The following LARP1B variants were observed in gnomAD, a reference collection of about 807,000 sequenced individuals.
The protein encoded by LARP1B is la-related protein 1B.
In LARP1B, 76 loss-of-function variants were observed where a neutral mutation model predicts 114.2. That is an observed-to-expected ratio of 0.67 (90% CI 0.55 to 0.81). The LOEUF is 0.81. Ranked by LOEUF, LARP1B falls within the 30% of genes least tolerant of loss-of-function variation. The pLI is 0.00. For synonymous variants in LARP1B, 345 were observed against 348.0 expected, an observed-to-expected ratio of 0.99 and a Z score of 0.10; for missense variants, 1,014 against 1,075.8, an observed-to-expected ratio of 0.94 and a Z score of 0.80.
intron 8 of LARP1B, among the ~76,000 whole-genome samples, chr4:128,104,155 T>C (rs1423375666): frequency 1.3e-5 from 2 of 152,038 alleles, no homozygotes; most frequent in African/African-American, 4.8e-5. Flanking sequence ...TTTTTTCCTA[T>C]GTATACGGTC....
intron 1 of LARP1B, 88 bp downstream of exon 1, chr4:128,061,489 G>C (rs1158496641): frequency 5.6e-6 from 1 of 178,126 alleles, no homozygotes; most frequent in Non-Finnish European, 1.1e-5. Context: ...GCCGGCGGGC[G>C]GTTGGCGCTC....
At chr4:128,087,044 C>T (rs751001930) in intron 5 of LARP1B, among the ~76,000 whole-genome samples, 9 of 152,040 alleles carry the variant, frequency 5.9e-5, no homozygotes, top group South Asian at 2.1e-4. Flanking sequence ...CTCAGCCTCC[C>T]GAGTAGCTGG....
intron 8 of LARP1B, among the ~76,000 whole-genome samples, chr4:128,102,857 G>T (rs1411815912): frequency 2.0e-5 from 3 of 152,088 alleles, no homozygotes. Context: ...TATAATATCA[G>T]CCTCAGAACT....
chr4:128,210,287 T>C lies in LARP1B; in HGVS notation c.*234T>C. 5 of 1,344,008 alleles carry C rather than the reference T, an allele frequency of 3.7e-6. No individual in the cohort carries two copies. The highest frequency in any genetic ancestry group is 4.8e-6 in the Non-Finnish European group (5 of 1,047,556). 83.3% of individuals were successfully genotyped at this position (1,344,008 alleles called of 1,614,324 possible). ...TCCCTGATTTCACAAACAAGGATAG[T>C]CTTGGTGACCTTTTATAGAGATCTT... is the stretch of plus-strand genomic sequence containing the variant. On this transcript the variant is annotated 3_prime_UTR_variant, in exon 20 of 20. Coordinates refer to ENST00000326639, the MANE Select transcript of LARP1B (RefSeq NM_018078.4).
At chr4:128,115,654 A>C (rs894164227) in intron 10 of LARP1B, among the ~76,000 whole-genome samples, 1 of 152,132 alleles carries the variant, frequency 6.6e-6, no homozygotes, top group African/African-American at 2.4e-5. Flanking sequence ...AAGTTGAAAA[A>C]ATATGACTTT....
chr4:128,163,326 A>T (rs1739332668), intron 12 of LARP1B, among the ~76,000 whole-genome samples: 1 of 152,132 alleles, frequency 6.6e-6, no homozygotes, highest in Non-Finnish European at 1.5e-5. Flanking sequence ...CTGTTAGTTC[A>T]GCATAGAGAC....
chr4:128,190,009 T>C (rs1013258060), intron 15 of LARP1B, among the ~76,000 whole-genome samples: 1 of 152,264 alleles, frequency 6.6e-6, no homozygotes, highest in African/African-American at 2.4e-5. Flanking sequence ...TGTCTACTTT[T>C]ACCAGTGAGT....
chr4:128,125,001 G>A (rs1580730155), intron 11 of LARP1B, among the ~76,000 whole-genome samples: 1 of 152,136 alleles, frequency 6.6e-6, no homozygotes, highest in African/African-American at 2.4e-5. Context: ...TGTTGAACTG[G>A]ACCAAAGAGT....
intron 19 of LARP1B, 93 bp downstream of exon 19, chr4:128,207,476 A>G (rs1416660445): frequency 1.2e-6 from 1 of 853,266 alleles, no homozygotes; most frequent in Non-Finnish European, 1.6e-6. Flanking sequence ...TGTAATTTTT[A>G]TTTTTTAACT....
chr4:128,079,631 G>C (rs114281553), intron 4 of LARP1B, among the ~76,000 whole-genome samples: 1 of 151,712 alleles, frequency 6.6e-6, no homozygotes, highest in African/African-American at 2.4e-5. Flanking sequence ...TGGCATGCTC[G>C]TGGCCCACTG....
intron 1 of LARP1B, among the ~76,000 whole-genome samples, chr4:128,064,842 G>A (rs1761781259): frequency 6.6e-6 from 1 of 152,096 alleles, no homozygotes; most frequent in Non-Finnish European, 1.5e-5. Context: ...AGGCTGTAGT[G>A]TCCTGTCATA....
chr4:128,154,071 A>G (rs1734238656), intron 11 of LARP1B, among the ~76,000 whole-genome samples: 1 of 152,192 alleles, frequency 6.6e-6, no homozygotes, highest in African/African-American at 2.4e-5. Flanking sequence ...CTCTTGTCAG[A>G]GTAGTCTTTC....
intron 10 of LARP1B, among the ~76,000 whole-genome samples, chr4:128,119,095 G>T (rs966444270): frequency 4.6e-5 from 7 of 151,946 alleles, no homozygotes; most frequent in Non-Finnish European, 1.0e-4. Flanking sequence ...ATGTTGGCCA[G>T]GCTGGTCTCG....
chr4:128,101,276 C>A (rs952947551), intron 8 of LARP1B, among the ~76,000 whole-genome samples: 1 of 151,720 alleles, frequency 6.6e-6, no homozygotes, highest in Non-Finnish European at 1.5e-5. Context: ...GAGTTTGACA[C>A]CAGCTTGGTC....
intron 11 of LARP1B, among the ~76,000 whole-genome samples, chr4:128,127,424 T>G (rs1356222192): frequency 6.6e-6 from 1 of 152,222 alleles, no homozygotes; most frequent in African/African-American, 2.4e-5. Flanking sequence ...GGGTACTGAT[T>G]AAAGTTATTA....
intron 12 of LARP1B, among the ~76,000 whole-genome samples, chr4:128,165,252 C>T (rs1262614284): frequency 6.6e-6 from 1 of 151,536 alleles, no homozygotes; most frequent in African/African-American, 2.4e-5. Flanking sequence ...GAGTGTGTAT[C>T]AGCTCTATTT....
At chr4:128,121,682 A>G in intron 10 of LARP1B, 144 bp from the exon 11 acceptor site, 1 of 566,594 alleles carries the variant, frequency 1.8e-6, no homozygotes, top group Admixed American at 3.5e-5. Context: ...AATAATACTC[A>G]CTTGATTTTC....
chr4:128,116,543 T>C (rs1391839497), intron 10 of LARP1B, among the ~76,000 whole-genome samples: 1 of 152,182 alleles, frequency 6.6e-6, no homozygotes, highest in Non-Finnish European at 1.5e-5. Context: ...AAATTGGTTC[T>C]GGTAGCTGGT....
At chr4:128,128,331 G>A (rs1379442670) in intron 11 of LARP1B, among the ~76,000 whole-genome samples, 1 of 152,090 alleles carries the variant, frequency 6.6e-6, no homozygotes, top group African/African-American at 2.4e-5. Flanking sequence ...AAAGTGAAAA[G>A]CCAGTACAGA....
Sources: gnomAD v4.1 joint callset for allele counts (sites outside exome capture counted in the v4.1 genomes callset) on GRCh38, gnomAD v4.1.1 for gene constraint, MANE v1.5 for transcripts, NCBI Gene and HGNC (gene_info 2026-07-23, HGNC 2026-07-21) for gene names.